CREB5: variants seen among roughly 807,000 people sequenced by gnomAD.
The protein encoded by CREB5 is cyclic AMP-responsive element-binding protein 5.
A neutral mutation model predicts 57.1 loss-of-function variants in CREB5; 19 were observed. The observed-to-expected ratio is 0.33, with a 90% confidence interval of 0.23 to 0.49. The LOEUF is 0.49. Ranked by LOEUF, CREB5 falls within the 20% of genes least tolerant of loss-of-function variation. The probability of loss-of-function intolerance (pLI) is 0.99; values close to 1 mark genes in which losing one functional copy is unlikely to be tolerated. For missense variants in CREB5, 579 were observed against 671.6 expected, an observed-to-expected ratio of 0.86 and a Z score of 1.52; for synonymous variants, 238 against 238.3, an observed-to-expected ratio of 1.00 and a Z score of 0.01.
intron 7 of CREB5, among the ~76,000 whole-genome samples, chr7:28,762,111 A>C (rs1330924183): frequency 2.0e-5 from 3 of 152,198 alleles, no homozygotes; most frequent in African/African-American, 7.2e-5. Context: ...CCAGATATTC[A>C]TGCAGCGTTA....
At chr7:28,654,985 A>G (rs1482912996) in intron 5 of CREB5, among the ~76,000 whole-genome samples, 1 of 152,106 alleles carries the variant, frequency 6.6e-6, no homozygotes, top group Non-Finnish European at 1.5e-5. Context: ...ATATTGGCTC[A>G]CTGCAGCCTC....
chr7:28,337,161 G>A (rs918863961), intron 1 of CREB5, among the ~76,000 whole-genome samples: 7 of 152,066 alleles, frequency 4.6e-5, no homozygotes, highest in African/African-American at 1.7e-4. Flanking sequence ...AGAATAATGT[G>A]TATACTGCAG....
intron 5 of CREB5, among the ~76,000 whole-genome samples, chr7:28,703,539 A>G (rs540563793): frequency 6.6e-6 from 1 of 152,198 alleles, no homozygotes; most frequent in Non-Finnish European, 1.5e-5. Context: ...ATGATCTGCC[A>G]TCTGCCAGCT....
intron 4 of CREB5, among the ~76,000 whole-genome samples, chr7:28,532,775 T>A (rs177596): frequency 0.11 from 16,601 of 152,220 alleles, 944 homozygotes; most frequent in South Asian, 0.14. Flanking sequence ...AGCCAAAAGA[T>A]CTATGTTTGT....
intron 1 of CREB5, among the ~76,000 whole-genome samples, chr7:28,334,631 T>C (rs952586306): frequency 6.6e-6 from 1 of 152,226 alleles, no homozygotes; most frequent in African/African-American, 2.4e-5. Context: ...GCAAATATTT[T>C]CTCCCATTCT....
At chr7:28,658,951 G>GTGTGTATATATATATATATATATATA (rs1554281515) in intron 5 of CREB5, among the ~76,000 whole-genome samples, 1 of 46,982 alleles carries the variant, frequency 2.1e-5, no homozygotes, top group African/African-American at 6.7e-5. Flanking sequence ...ATGTGTGTGT[G>GTGTGTATATATATATATATATATATA]TGTATATATA....
intron 1 of CREB5, among the ~76,000 whole-genome samples, chr7:28,481,008 A>G (rs1791302105): frequency 6.6e-6 from 1 of 152,242 alleles, no homozygotes; most frequent in Non-Finnish European, 1.5e-5. Context: ...CTAACATATG[A>G]AAACCCAATC....
At chr7:28,637,355 G>C (rs988564572) in intron 5 of CREB5, among the ~76,000 whole-genome samples, 10 of 152,036 alleles carry the variant, frequency 6.6e-5, no homozygotes, top group Admixed American at 3.9e-4. Context: ...ACTCTCTTTT[G>C]GGGGCTTTTT....
intron 7 of CREB5, among the ~76,000 whole-genome samples, chr7:28,785,471 C>T (rs1440505246): frequency 3.3e-5 from 5 of 152,226 alleles, no homozygotes; most frequent in African/African-American, 1.2e-4. Context: ...TGGAGCAGAA[C>T]TTTTCATCCA....
intron 7 of CREB5, among the ~76,000 whole-genome samples, chr7:28,758,425 C>T (rs557867627): frequency 3.3e-5 from 5 of 152,162 alleles, no homozygotes; most frequent in South Asian, 4.2e-4. Context: ...TTCAAGCCAC[C>T]GATTTGTTGG....
chr7:28,507,769 TGTCCTGC>T, intron 4 of CREB5, 32 bp downstream of exon 4: 1 of 1,570,400 alleles, frequency 6.4e-7, no homozygotes, highest in Non-Finnish European at 8.7e-7. Flanking sequence ...CCTTGAGAGG[TGTCCTGC>T]TAGAAACTTC....
chr7:28,806,061 C>T (rs978415426), intron 8 of CREB5, among the ~76,000 whole-genome samples: 1 of 151,258 alleles, frequency 6.6e-6, no homozygotes, highest in African/African-American at 2.4e-5. Context: ...CACATTTGTA[C>T]TTAGTTTATA....
intron 1 of CREB5, among the ~76,000 whole-genome samples, chr7:28,485,866 C>T (rs1198477349): frequency 1.3e-5 from 2 of 152,134 alleles, no homozygotes; most frequent in African/African-American, 4.8e-5. Flanking sequence ...AGTACCTTCT[C>T]AGTATTCACA....
chr7:28,472,291 A>G (rs928477886), intron 1 of CREB5, among the ~76,000 whole-genome samples: 4 of 152,218 alleles, frequency 2.6e-5, no homozygotes, highest in African/African-American at 9.6e-5. Flanking sequence ...ATTATAGCTA[A>G]TGTATATTGT....
At chr7:28,805,753 G>A (rs1297893007) in intron 8 of CREB5, among the ~76,000 whole-genome samples, 1 of 152,134 alleles carries the variant, frequency 6.6e-6, no homozygotes, top group Non-Finnish European at 1.5e-5. Flanking sequence ...CTCACTGTGT[G>A]ATTGTGAACA....
intron 4 of CREB5, among the ~76,000 whole-genome samples, chr7:28,552,751 A>G (rs189025029): frequency 4.1e-4 from 63 of 152,342 alleles, no homozygotes; most frequent in Non-Finnish European, 6.6e-4. Flanking sequence ...ATGGTACAGG[A>G]TGATTTGATC....
At chr7:28,584,526 A>T (rs1042851368) in intron 5 of CREB5, among the ~76,000 whole-genome samples, 28 of 152,176 alleles carry the variant, frequency 1.8e-4, no homozygotes, top group Middle Eastern at 3.4e-3. Flanking sequence ...AAGCCAAGGA[A>T]CGCCAGGGAT....
At chr7:28,406,198 C>G (rs532920785) in intron 1 of CREB5, among the ~76,000 whole-genome samples, 2 of 152,260 alleles carry the variant, frequency 1.3e-5, no homozygotes, top group African/African-American at 4.8e-5. Context: ...TTTATTCAGG[C>G]CTGATTAAGC....
intron 4 of CREB5, among the ~76,000 whole-genome samples, chr7:28,560,866 C>CGCGTGCGCGCG (rs1562797336): frequency 2.0e-5 from 1 of 50,264 alleles, no homozygotes; most frequent in Non-Finnish European, 4.3e-5. Flanking sequence ...GTGCGTGTGC[C>CGCGTGCGCGCG]TGCGTGCGCG....
Sources: allele counts gnomAD v4.1 joint callset (sites outside exome capture counted in the v4.1 genomes callset), GRCh38; gene constraint gnomAD v4.1.1; transcripts MANE v1.5; gene names NCBI Gene and HGNC (gene_info 2026-07-23, HGNC 2026-07-21).